CRY1: variants seen among roughly 807,000 people sequenced by gnomAD.
The protein encoded by CRY1 is cryptochrome-1.
In CRY1, 45 loss-of-function variants were observed where a neutral mutation model predicts 76.0. That is an observed-to-expected ratio of 0.59 (90% CI 0.47 to 0.76). CRY1 has a LOEUF of 0.76. CRY1 is among the 30% of genes least tolerant of loss of function. The pLI, the probability that CRY1 is intolerant of heterozygous loss-of-function variation, is 0.00. For synonymous variants in CRY1, 248 were observed against 244.0 expected (o/e 1.02, Z -0.15); for missense variants, 587 against 716.4 (o/e 0.82, Z 2.06).
intron 1 of CRY1, among the ~76,000 whole-genome samples, chr12:107,034,290 C>T (rs1470026599): frequency 6.6e-6 from 1 of 151,970 alleles, no homozygotes; most frequent in East Asian, 1.9e-4. Context: ...CAGATGTTAC[C>T]CTATATGGTC....
chr12:107,069,617 G>A (rs1433588112), intron 1 of CRY1, among the ~76,000 whole-genome samples: 1 of 74,616 alleles, frequency 1.3e-5, no homozygotes. Context: ...TATATAAAAA[G>A]TATATATATA....
chr12:107,017,805 T>C (rs1013745086), intron 2 of CRY1, among the ~76,000 whole-genome samples: 7 of 152,226 alleles, frequency 4.6e-5, no homozygotes, highest in Non-Finnish European at 1.0e-4. Context: ...ACAACCCAGA[T>C]GCATGGCTCA....
At chr12:107,060,547 T>C (rs895346301) in intron 1 of CRY1, among the ~76,000 whole-genome samples, 4 of 152,214 alleles carry the variant, frequency 2.6e-5, no homozygotes, top group Non-Finnish European at 5.9e-5. Flanking sequence ...CAGACTAAGA[T>C]AGTATTATCT....
chr12:107,058,679 T>C (rs1953013466), intron 1 of CRY1, among the ~76,000 whole-genome samples: 1 of 152,212 alleles, frequency 6.6e-6, no homozygotes, highest in Admixed American at 6.5e-5. Flanking sequence ...CAATAACATA[T>C]GACAATAGTA....
intron 1 of CRY1, among the ~76,000 whole-genome samples, chr12:107,030,122 T>G (rs1272336368): frequency 6.6e-6 from 1 of 152,136 alleles, no homozygotes; most frequent in Non-Finnish European, 1.5e-5. Flanking sequence ...TCAATAAATA[T>G]CTATCTAATG....
intron 1 of CRY1, among the ~76,000 whole-genome samples, chr12:107,064,898 T>C (rs1466449576): frequency 6.6e-6 from 1 of 152,208 alleles, no homozygotes; most frequent in African/African-American, 2.4e-5. Context: ...AGACATTCTC[T>C]AACTAAAAGA....
intron 1 of CRY1, among the ~76,000 whole-genome samples, chr12:107,038,301 A>C (rs1377840919): frequency 6.6e-6 from 1 of 152,208 alleles, no homozygotes. Flanking sequence ...AGTAGTCTTA[A>C]GACTAGATGA....
intron 1 of CRY1, among the ~76,000 whole-genome samples, chr12:107,089,413 C>T (rs1953443141): frequency 1.3e-5 from 2 of 152,094 alleles, no homozygotes; most frequent in South Asian, 2.1e-4. Context: ...TAGCTCATTG[C>T]AGCTTCCAAC....
chr12:107,064,452 A>C (rs797018748), intron 1 of CRY1, among the ~76,000 whole-genome samples: 30 of 152,352 alleles, frequency 2.0e-4, no homozygotes, highest in African/African-American at 6.5e-4. Flanking sequence ...CCAAATGTTG[A>C]CAAGGATGAG....
At chr12:107,006,901 C>T (rs1270172310) in intron 2 of CRY1, among the ~76,000 whole-genome samples, 1 of 152,156 alleles carries the variant, frequency 6.6e-6, no homozygotes, top group African/African-American at 2.4e-5. Context: ...ACCTCGGCCT[C>T]CCAAAGTGCT....
intron 1 of CRY1, among the ~76,000 whole-genome samples, chr12:107,084,074 T>C (rs1953363519): frequency 1.3e-5 from 2 of 152,096 alleles, no homozygotes; most frequent in African/African-American, 4.8e-5. Flanking sequence ...TGAACTCCCA[T>C]TCACAACTGC....
In CRY1 at chr12:107,025,699, T is replaced by A. The variant is rs138166467; in HGVS notation, c.159-3507A>T. ...AAAATAGATCTGCCTACTAACAATC[T>A]CTCTCCATTCTAATTCATTTTATAT... On this transcript the variant is annotated intron_variant, in intron 1 of 12. Coordinates refer to ENST00000008527, the MANE Select transcript of CRY1 (RefSeq NM_004075.5). 6.4e-4 allele frequency among the ~76,000 whole-genome samples: 97 copies of A among 152,184 alleles called. 1 individual carries two copies. Among genetic ancestry groups the A allele is most frequent in the African/African-American group, 2.2e-3 (93 of 41,510 alleles).
At chr12:106,992,708 G>A (rs901388838) in intron 12 of CRY1, 79 bp downstream of exon 12, 6 of 1,208,736 alleles carry the variant, frequency 5.0e-6, no homozygotes, top group Non-Finnish European at 7.1e-6. Context: ...ATAGAGATTT[G>A]CTCCATTTTT....
chr12:107,065,294 GA>G (rs1304594944), intron 1 of CRY1, among the ~76,000 whole-genome samples: 1 of 150,418 alleles, frequency 6.6e-6, no homozygotes, highest in African/African-American at 2.4e-5. Context: ...GACTCTGTCT[GA>G]AAAAAAAGGA....
At chr12:107,031,075 C>T (rs1299304845) in intron 1 of CRY1, among the ~76,000 whole-genome samples, 3 of 152,198 alleles carry the variant, frequency 2.0e-5, no homozygotes, top group Non-Finnish European at 4.4e-5. Flanking sequence ...GACAGTACAC[C>T]GGATTAAGAT....
At chr12:107,075,035 A>C (rs769735413) in intron 1 of CRY1, among the ~76,000 whole-genome samples, 3 of 152,108 alleles carry the variant, frequency 2.0e-5, no homozygotes, top group Non-Finnish European at 4.4e-5. Context: ...ACAACAAAAA[A>C]CAAAAAACAA....
intron 3 of CRY1, among the ~76,000 whole-genome samples, chr12:107,004,849 C>A (rs574263772): frequency 3.2e-4 from 49 of 152,194 alleles, no homozygotes; most frequent in African/African-American, 1.0e-3. Context: ...TAGTCTTAAT[C>A]CATAATAGTT....
chr12:107,091,248 G>A (rs771057010), intron 1 of CRY1, among the ~76,000 whole-genome samples: 5 of 152,082 alleles, frequency 3.3e-5, no homozygotes, highest in Middle Eastern at 3.4e-3. Flanking sequence ...GTTTTGCCAC[G>A]ATGGCCAGGC....
At chr12:107,054,436 AAAC>A (rs1019697584) in intron 1 of CRY1, among the ~76,000 whole-genome samples, 2 of 151,648 alleles carry the variant, frequency 1.3e-5, no homozygotes, top group African/African-American at 2.4e-5. Flanking sequence ...ATGAAATTTA[AAAC>A]AACAGAATTT....
Sources: allele counts gnomAD v4.1 joint callset (sites outside exome capture counted in the v4.1 genomes callset), GRCh38; gene constraint gnomAD v4.1.1; transcripts MANE v1.5; gene names NCBI Gene and HGNC (gene_info 2026-07-23, HGNC 2026-07-21).